FLNC: variants seen among roughly 807,000 people sequenced by gnomAD.
The protein encoded by FLNC is filamin C.
FLNC carries 91 observed loss-of-function variants against 254.3 expected under a neutral mutation model. The observed-to-expected ratio is 0.36, with a 90% confidence interval of 0.30 to 0.43. FLNC has a LOEUF of 0.43. Among genes scored for constraint, FLNC ranks in the 20% least tolerant of loss-of-function variants. The probability of loss-of-function intolerance (pLI) is 1.00; values close to 1 mark genes in which losing one functional copy is unlikely to be tolerated. For missense variants in FLNC, 2,853 were observed against 3,802.6 expected, an observed-to-expected ratio of 0.75 and a Z score of 6.57; for synonymous variants, 1,430 against 1,577.2, an observed-to-expected ratio of 0.91 and a Z score of 2.21.
At chr7:128,839,877 G>A in intron 8 of FLNC, 146 bp from the exon 9 acceptor site, 1 of 1,040,730 alleles carries the variant, frequency 9.6e-7, no homozygotes, top group Non-Finnish European at 1.4e-6. Context: ...AGCCCCGGTT[G>A]TGCTGGGGAC....
rs1808450946 is a variant in FLNC, at chr7:128,844,015, G to A, written c.2941G>A (p.Gly981Arg). The A allele has an allele frequency of 1.2e-6, 2 of 1,614,046 alleles. No homozygotes were observed. Among genetic ancestry groups the A allele is most frequent in the African/African-American group, 1.3e-5 (1 of 74,936 alleles). The change falls in exon 20 of 48, where the codon GGA becomes AGA. Residue 981 changes from glycine to arginine, a missense_variant. By Grantham distance (125) the Gly-to-Arg change is moderately radical. Transcript: ENST00000325888. ...VQGLNSKVAV[G>R]QEQAFSVNTR... Reference sequence around the variant, plus strand: ...TGCCCTCCACGCAGAGGTGGCTGTGGGACAGGAACAAGCATTCTCTGTGAA... The same window carrying A: ...TGCCCTCCACGCAGAGGTGGCTGTGAGACAGGAACAAGCATTCTCTGTGAA...
rs1377914298 is a variant in FLNC, at chr7:128,841,973, T to G, written c.2122-258T>G. 6.6e-6 allele frequency among the ~76,000 whole-genome samples: 1 copy of G among 152,196 alleles called. No homozygotes were observed. Among genetic ancestry groups the G allele is most frequent in the African/African-American group, 2.4e-5 (1 of 41,452 alleles). On this transcript the variant is annotated intron_variant, in intron 13 of 47. Transcript: ENST00000325888. The surrounding 1 kb of genome is among the most constrained non-coding windows in gnomAD (Gnocchi z 4.3). ...AGGAACATAAATTTAGCCCACACTCTTCCTGTCCAACACATTTCAGAGTTG... is the reference window on the plus strand; with the variant it reads ...AGGAACATAAATTTAGCCCACACTCGTCCTGTCCAACACATTTCAGAGTTG...
chr7:128,830,667 C>T lies in FLNC; in HGVS notation c.30C>T (p.Ala10=), dbSNP rs764501806. The change falls in exon 1 of 48, where the codon GCC becomes GCT. Residue 10 remains alanine (A), a synonymous_variant. Coordinates refer to ENST00000325888, the MANE Select transcript of FLNC (RefSeq NM_001458.5). ...TGAACAACAGCGGCTACTCAGACGC[C>T]GGCCTCGGCCTGGGCGATGAGACAG... MMNNSGYSD[A]GLGLGDETDE... is the part of the protein sequence containing the mutation. 3.1e-6 allele frequency: 5 copies of T among 1,612,506 alleles called. No homozygotes were observed. Among genetic ancestry groups the T allele is most frequent in the Admixed American group, 1.7e-5 (1 of 60,014 alleles).
At chr7:128,832,799 G>A (rs972203748) in intron 1 of FLNC, among the ~76,000 whole-genome samples, 1 of 152,232 alleles carries the variant, frequency 6.6e-6, no homozygotes, top group African/African-American at 2.4e-5. Flanking sequence ...GCCCCAGGCT[G>A]AGGCTGGAGG....
intron 18 of FLNC, 97 bp from the exon 19 acceptor site, chr7:128,843,699 C>T: frequency 1.3e-6 from 2 of 1,491,754 alleles, no homozygotes; most frequent in South Asian, 1.1e-5. Flanking sequence ...TGCCCTCACT[C>T]TCATGGTGGA....
intron 35 of FLNC, 104 bp downstream of exon 35, chr7:128,851,732 CAGAG>C: frequency 8.3e-7 from 1 of 1,202,872 alleles, no homozygotes; most frequent in Non-Finnish European, 1.2e-6. Context: ...GACATTAGGG[CAGAG>C]GCCCTTCAAG....
chr7:128,851,438 C>T lies in FLNC; in HGVS notation c.5669-17C>T. ...TGAGGGCAGGACCTCTGATCTTGGCCACACCTCCACCTACAGGGGGTCTGT... is the reference window on the plus strand; with the variant it reads ...TGAGGGCAGGACCTCTGATCTTGGCTACACCTCCACCTACAGGGGGTCTGT... On this transcript the variant is annotated splice_polypyrimidine_tract_variant and intron_variant, in intron 34 of 47. Coordinates refer to ENST00000325888, the MANE Select transcript of FLNC (RefSeq NM_001458.5). The T allele has an allele frequency of 1.2e-6, 2 of 1,613,924 alleles. No individual in the cohort carries two copies.
At position 128,841,666 on chromosome 7, in the gene FLNC, CA is replaced by C; in HGVS notation, c.2121+100del. ...GCAGAGGCCTCCCAGCAGGAAATGA[CA>C]GCATCACAGAAGATCAGGCAGGACT... On this transcript the variant is annotated intron_variant, in intron 13 of 47. Coordinates refer to ENST00000325888, the MANE Select transcript of FLNC (RefSeq NM_001458.5). This position sits in a 1 kb window ranked among gnomAD's most constrained non-coding sequence, Gnocchi z 4.3. 1.2e-6 allele frequency: 1 copy of C among 865,250 alleles called. No homozygotes were observed. Among genetic ancestry groups the C allele is most frequent in the Non-Finnish European group, 2.0e-6 (1 of 503,966 alleles). The allele number at this position is 865,250 out of a possible 1,614,324, so 53.6% of individuals were successfully genotyped here. A position where few individuals can be genotyped will look rare whatever the true frequency, so the allele number is the denominator to read the frequency against.
intron 23 of FLNC, 52 bp from the exon 24 acceptor site, chr7:128,846,693 T>A: frequency 6.3e-7 from 1 of 1,579,104 alleles, no homozygotes; most frequent in Non-Finnish European, 8.7e-7. Flanking sequence ...AGCTACTCCC[T>A]CATCCTCACT....
At position 128,840,531 on chromosome 7, in the gene FLNC, T is replaced by C; in HGVS notation, c.1550-17T>C. On this transcript the variant is annotated splice_polypyrimidine_tract_variant and intron_variant, in intron 9 of 47. Coordinates refer to ENST00000325888, the MANE Select transcript of FLNC (RefSeq NM_001458.5). ...TATTGATCTGCCTTCTTCCCCACCC[T>C]GCCCCCATCTCCTCAGAGGGCACAG... 2 of 1,614,108 alleles carry C rather than the reference T, an allele frequency of 1.2e-6. No homozygotes were observed. The highest frequency in any genetic ancestry group is 1.6e-4 in the Middle Eastern group (1 of 6,062).
rs1233597898 is a variant in FLNC at position 128,843,564 on chromosome 7, C to T, written c.2798C>T (p.Thr933Ile). ...NHDYSYTVKY[T>I]AVQQGNMAVT... ...GACTACTCCTACACTGTCAAGTACACCGCTGTCCAGCAGGTGCGCTCTGCC... is the reference window on the plus strand; with the variant it reads ...GACTACTCCTACACTGTCAAGTACATCGCTGTCCAGCAGGTGCGCTCTGCC... Residue 933 changes from threonine (T) to isoleucine (I), a missense_variant, in exon 18 of 48, where the codon ACC becomes ATC. Transcript: ENST00000325888. 3 of 1,613,826 alleles carry T rather than the reference C, an allele frequency of 1.9e-6. No homozygotes were observed. In the South Asian group the frequency reaches 3.3e-5, roughly 18 times the overall value.
At position 128,854,553 on chromosome 7, in the gene FLNC, G is replaced by A. The variant is rs1808972432; in HGVS notation, c.6868G>A (p.Val2290Ile). The A allele has an allele frequency of 6.2e-7, 1 of 1,607,990 alleles. No homozygotes were observed. Among genetic ancestry groups the A allele is most frequent in the Non-Finnish European group, 8.5e-7 (1 of 1,177,752 alleles). ...GGAAATGGGGCCCCATACGGTCGCT[G>A]TCAAGTACCGTGGCCAGCACGTGCC... ...PQEMGPHTVA[V>I]KYRGQHVPGS... Residue 2290 changes from valine (V) to isoleucine (I), a missense_variant, in exon 41 of 48, where the codon GTC (valine) becomes ATC (isoleucine). Transcript: ENST00000325888.
rs751882433 is a variant in FLNC at position 128,846,912 on chromosome 7, A to G, written c.4288+7A>G. The G allele has an allele frequency of 2.5e-6, 4 of 1,613,980 alleles. No homozygotes were observed. Among genetic ancestry groups the G allele is most frequent in the South Asian group, 2.2e-5 (2 of 91,088 alleles). On this transcript the variant is annotated splice_region_variant and intron_variant, in intron 24 of 47. Transcript: ENST00000325888. ...GGGGGGCGGCCCATCCCAGGTGTGC[A>G]GAGAGAGTGGTCGGGGTCTCAGGGA...
In FLNC at chr7:128,854,853, T is replaced by G. The variant is rs765202642; in HGVS notation, c.7076T>G (p.Ile2359Ser). ...GTGGAGGGTCCTAGCAAAGCGGAGA[T>G]TGCATTTGAGGATCGCAAAGATGGC... ...IAVEGPSKAE[I>S]AFEDRKDGSC... Residue 2359 changes from isoleucine (I) to serine (S), a missense_variant, in exon 42 of 48, where the codon ATT (isoleucine) becomes AGT (serine). Physicochemically the swap from Ile to Ser is moderately radical, Grantham distance 142. Coordinates refer to ENST00000325888, the MANE Select transcript of FLNC (RefSeq NM_001458.5). The G allele has an allele frequency of 6.2e-7, 1 of 1,614,084 alleles. No homozygotes were observed. The highest frequency in any genetic ancestry group is 8.5e-7 in the Non-Finnish European group (1 of 1,180,010).
chr7:128,846,239 G>A lies in FLNC; in HGVS notation c.3965-62G>A, dbSNP rs914605006. ...GCCGGGATCTGATGATATTGCCCTC[G>A]GGGCAGGAGGGGTGGTGGGGGCGCA... On this transcript the variant is annotated intron_variant, in intron 22 of 47. Coordinates refer to ENST00000325888, the MANE Select transcript of FLNC (RefSeq NM_001458.5). 6.0e-5 allele frequency: 93 copies of A among 1,559,220 alleles called. No homozygotes were observed. In the South Asian group the frequency reaches 8.3e-4, roughly 14 times the overall value.
chr7:128,835,703 G>A lies in FLNC; in HGVS notation c.601+129G>A. 1.9e-6 allele frequency: 2 copies of A among 1,049,442 alleles called. No homozygotes were observed. The highest frequency in any genetic ancestry group is 5.1e-5 in the East Asian group (2 of 38,930). 65.0% of individuals were successfully genotyped at this position (1,049,442 alleles called of 1,614,324 possible). A position where few individuals can be genotyped will look rare whatever the true frequency, so the allele number is the denominator to read the frequency against. On this transcript the variant is annotated intron_variant, in intron 2 of 47. Coordinates refer to ENST00000325888, the MANE Select transcript of FLNC (RefSeq NM_001458.5). The surrounding 1 kb of genome is among the most constrained non-coding windows in gnomAD (Gnocchi z 5.3). ...GCCTGGGGGCCAGGATCCCCTGCAG[G>A]GTTTGTCCTCCTCCAGCTGTGGCTC...
intron 43 of FLNC, among the ~76,000 whole-genome samples, chr7:128,855,921 A>T (rs935815657): frequency 1.1e-4 from 17 of 152,178 alleles, no homozygotes; most frequent in African/African-American, 3.1e-4. Context: ...GCTTCTGCAT[A>T]AGGCGCACAG....
At chr7:128,834,637 T>C (rs531264198) in intron 1 of FLNC, among the ~76,000 whole-genome samples, 1 of 152,108 alleles carries the variant, frequency 6.6e-6, no homozygotes, top group Non-Finnish European at 1.5e-5. Context: ...AAGACCTTCA[T>C]TGTAGAAAGA....
intron 9 of FLNC, 119 bp from the exon 10 acceptor site, chr7:128,840,429 C>A: frequency 7.4e-7 from 1 of 1,347,742 alleles, no homozygotes; most frequent in South Asian, 1.2e-5. Flanking sequence ...CAGCACTGCT[C>A]ACTACAGCAC....
Sources: allele counts gnomAD v4.1 joint callset (sites outside exome capture counted in the v4.1 genomes callset), GRCh38; gene constraint gnomAD v4.1.1; non-coding constraint Gnocchi (gnomAD v3.1); transcripts MANE v1.5; gene names NCBI Gene and HGNC (gene_info 2026-07-23, HGNC 2026-07-21).